Variants in HPN observed in about 807,000 individuals in gnomAD.
HPN encodes the protein hepsin.
In HPN, 13 loss-of-function variants were observed where a neutral mutation model predicts 55.9. That is an observed-to-expected ratio of 0.23 (90% CI 0.15 to 0.37). The LOEUF is 0.37. HPN is among the 10% of genes least tolerant of loss of function. The pLI is 1.00. For missense variants in HPN, 451 were observed against 575.8 expected, an observed-to-expected ratio of 0.78 and a Z score of 2.22; for synonymous variants, 225 against 240.3, an observed-to-expected ratio of 0.94 and a Z score of 0.59.
At chr19:35,059,513 A>T (rs1446127695) in intron 4 of HPN, 160 bp from the exon 5 acceptor site, 7 of 890,478 alleles carry the variant, frequency 7.9e-6, no homozygotes, top group Middle Eastern at 4.2e-4. Context: ...TCATGATTCC[A>T]GATGCAATCG....
At chr19:35,045,840 C>T (rs925486359) in intron 2 of HPN, among the ~76,000 whole-genome samples, 3 of 152,122 alleles carry the variant, frequency 2.0e-5, no homozygotes, top group African/African-American at 7.2e-5. Context: ...CTGGGGGAAC[C>T]CCAGGATGCA....
At chr19:35,044,881 G>A (rs965468807) in intron 2 of HPN, among the ~76,000 whole-genome samples, 2 of 152,072 alleles carry the variant, frequency 1.3e-5, no homozygotes, top group Non-Finnish European at 2.9e-5. Context: ...GCGGTTGGAT[G>A]GGGCCGGAGC....
intron 12 of HPN, 107 bp from the exon 13 acceptor site, chr19:35,066,142 C>T (rs1409473331): frequency 1.2e-6 from 2 of 1,612,554 alleles, no homozygotes; most frequent in South Asian, 1.1e-5. Flanking sequence ...TAGAAGAGGG[C>T]CCCCCTTGGG....
At chr19:35,043,254 G>T (rs946626998) in intron 2 of HPN, among the ~76,000 whole-genome samples, 2 of 152,200 alleles carry the variant, frequency 1.3e-5, no homozygotes, top group Non-Finnish European at 2.9e-5. Context: ...GAGAGAGACT[G>T]CGTCATGGAG....
Position 35,065,540 on chromosome 19 carries a change from C to T in HPN, c.909C>T (p.Gly303=). Residue 303 remains glycine (G), a splice_region_variant and synonymous_variant, in exon 11 of 13, where the codon GGC becomes GGT. Coordinates refer to ENST00000672452, the MANE Select transcript of HPN (RefSeq NM_001384133.1). ...CCAGCCTTGCCTGCACACCCCCAGG[C>T]CAACAGGCCGGGGTACTCCAGGAGG... is the stretch of plus-strand genomic sequence containing the variant. ...VTGWGNTQYY[G]QQAGVLQEAR... is the part of the protein sequence containing the mutation. 6.2e-7 allele frequency: 1 copy of T among 1,613,874 alleles called. No individual in the cohort carries two copies. The highest frequency in any genetic ancestry group is 8.5e-7 in the Non-Finnish European group (1 of 1,179,936).
At chr19:35,041,189 C>T (rs887574144), upstream of HPN, among the ~76,000 whole-genome samples, 3 of 152,214 alleles carry the variant, frequency 2.0e-5, no homozygotes, top group Non-Finnish European at 4.4e-5. Flanking sequence ...GAGGTCACCG[C>T]GGCCGGGCGG....
At chr19:35,060,576 G>T (rs746879659) in intron 8 of HPN, 51 bp from the exon 9 acceptor site, 29 of 1,612,096 alleles carry the variant, frequency 1.8e-5, no homozygotes, top group Non-Finnish European at 2.5e-5. Flanking sequence ...GTGGGGAGGA[G>T]GGCGGATTGT....
At chr19:35,060,948 G>A in intron 9 of HPN, 131 bp downstream of exon 9, 1 of 785,098 alleles carries the variant, frequency 1.3e-6, no homozygotes, top group Non-Finnish European at 2.0e-6. Context: ...TCTCGAGGGA[G>A]CACAAAGTGG....
In HPN at chr19:35,060,195, C is replaced by G. The variant is rs764113768; in HGVS notation, c.454+26C>G. 3.1e-6 allele frequency: 5 copies of G among 1,613,694 alleles called. No individual in the cohort carries two copies. The Admixed American group carries it at 8.3e-5, about 27-fold the overall frequency. The stretch of plus-strand genomic sequence containing the variant: ...GTGAGATCCTAAAACTCAGAACCCT[C>G]TCCTTTAGGCCCTTGGGGAGGCCAC... On this transcript the variant is annotated intron_variant, in intron 7 of 12. Transcript: ENST00000672452.
At chr19:35,058,368 C>T (rs1031415017) in intron 4 of HPN, among the ~76,000 whole-genome samples, 17 of 148,908 alleles carry the variant, frequency 1.1e-4, no homozygotes, top group Admixed American at 2.0e-4. Flanking sequence ...TTCATAGAGA[C>T]GAGGTTTCAT....
At chr19:35,055,488 C>T (rs2064446199) in intron 4 of HPN, among the ~76,000 whole-genome samples, 1 of 152,156 alleles carries the variant, frequency 6.6e-6, no homozygotes. Flanking sequence ...CTTCCGTCCC[C>T]ATCTCTGTCA....
chr19:35,053,002 A>G (rs935398502), intron 4 of HPN, among the ~76,000 whole-genome samples: 2 of 152,124 alleles, frequency 1.3e-5, no homozygotes, highest in Admixed American at 1.3e-4. Context: ...ACAAACAAAA[A>G]CAACCCCAAG....
intron 2 of HPN, among the ~76,000 whole-genome samples, chr19:35,045,283 A>G (rs903556301): frequency 6.6e-6 from 1 of 152,014 alleles, no homozygotes; most frequent in African/African-American, 2.4e-5. Context: ...TTTACGGAGT[A>G]GGTAGAGGGT....
chr19:35,065,141 A>C lies in HPN; in HGVS notation c.812-109A>C. ...CCAGCCTATTGTGGTTTTTTTTTTAAAGAACAGAGAGGGCAGGGTGTGTTA... is the reference window on the plus strand; with the variant it reads ...CCAGCCTATTGTGGTTTTTTTTTTACAGAACAGAGAGGGCAGGGTGTGTTA... On this transcript the variant is annotated intron_variant, in intron 9 of 12. Transcript: ENST00000672452. 5 of 697,464 alleles carry C rather than the reference A, an allele frequency of 7.2e-6. No individual in the cohort carries two copies. In the South Asian group the frequency reaches 9.9e-5, roughly 14 times the overall value. 43.2% of individuals were successfully genotyped at this position (697,464 alleles called of 1,614,324 possible).
At chr19:35,049,619 C>A in intron 4 of HPN, 103 bp downstream of exon 4, 1 of 1,039,700 alleles carries the variant, frequency 9.6e-7, no homozygotes, top group South Asian at 1.4e-5. Flanking sequence ...CAAATGCATG[C>A]AGAAATGCTA....
chr19:35,044,265 G>A (rs1319151946), intron 2 of HPN, among the ~76,000 whole-genome samples: 1 of 152,178 alleles, frequency 6.6e-6, no homozygotes, highest in Non-Finnish European at 1.5e-5. Context: ...CTGGCTTCTT[G>A]GTGCTGCCTG....
intron 5 of HPN, 22 bp downstream of exon 5, chr19:35,059,824 G>A (rs759655124): frequency 1.3e-6 from 2 of 1,539,392 alleles, no homozygotes; most frequent in Non-Finnish European, 1.8e-6. Flanking sequence ...CCTCGGAGGG[G>A]TGGGAGCCGG....
chr19:35,048,608 G>A (rs369358110), intron 2 of HPN, among the ~76,000 whole-genome samples: 1 of 152,148 alleles, frequency 6.6e-6, no homozygotes. Flanking sequence ...TTTTAAATGA[G>A]GCTGGCCAGA....
intron 2 of HPN, among the ~76,000 whole-genome samples, chr19:35,048,029 AAAG>A (rs1411022397): frequency 0.01 from 270 of 25,766 alleles, 8 homozygotes; most frequent in Admixed American, 0.031. Context: ...AGAGAGAGAA[AAAG>A]AAAGAAAGAA....
Sources: allele counts gnomAD v4.1 joint callset (sites outside exome capture counted in the v4.1 genomes callset), GRCh38; gene constraint gnomAD v4.1.1; transcripts MANE v1.5; gene names NCBI Gene and HGNC (gene_info 2026-07-23, HGNC 2026-07-21).